ANK1: variants seen among roughly 807,000 people sequenced by gnomAD.
ANK1 encodes the protein ankyrin 1, also known as ankyrin-1.
A neutral mutation model predicts 210.4 loss-of-function variants in ANK1; 51 were observed. The ratio of observed to expected loss-of-function variants is 0.24; its 90% CI spans 0.19 to 0.31. The LOEUF (loss-of-function observed/expected upper bound fraction) is 0.31. Ranked by LOEUF, ANK1 falls within the 10% of genes least tolerant of loss-of-function variation. The pLI is 1.00. For missense variants in ANK1, 2,051 were observed against 2,504.4 expected (o/e 0.82, Z 3.86); for synonymous variants, 967 against 1,025.9 (o/e 0.94, Z 1.10).
Position 41,654,888 on chromosome 8 carries a change from G to C in ANK1, c.*902C>G, listed in dbSNP as rs930237946. 6 of 152,566 alleles carry C rather than the reference G, an allele frequency of 3.9e-5. No individual in the cohort carries two copies. The highest frequency in any genetic ancestry group is 5.9e-5 in the Non-Finnish European group (4 of 68,028). 9.5% of individuals were successfully genotyped at this position (152,566 alleles called of 1,614,324 possible). ...TGAGAGAGGAGACCCTTTCAGATGG[G>C]GTCCTGGCTCCCTTTGAGTCCTACA... On this transcript the variant is annotated 3_prime_UTR_variant, in exon 43 of 43. Coordinates refer to ENST00000289734, the MANE Select transcript of ANK1 (RefSeq NM_000037.4).
intron 1 of ANK1, among the ~76,000 whole-genome samples, chr8:41,867,979 C>A (rs1375974830): frequency 2.0e-5 from 3 of 152,222 alleles, no homozygotes; most frequent in Non-Finnish European, 4.4e-5. Flanking sequence ...CGTGCCTCAG[C>A]CTCCCAAGTA....
intron 1 of ANK1, among the ~76,000 whole-genome samples, chr8:41,775,502 C>G (rs766335490): frequency 6.6e-6 from 1 of 152,246 alleles, no homozygotes; most frequent in Non-Finnish European, 1.5e-5. Flanking sequence ...TCCACACCCT[C>G]TAGCCCATGA....
intron 2 of ANK1, among the ~76,000 whole-genome samples, chr8:41,746,768 C>G (rs769223502): frequency 2.0e-5 from 3 of 151,224 alleles, no homozygotes; most frequent in African/African-American, 2.4e-5. Context: ...AGTGTGAGCT[C>G]GAGTTAATGA....
intron 1 of ANK1, chr8:41,896,328 T>C (rs757536345): frequency 1.3e-6 from 2 of 1,581,998 alleles, no homozygotes; most frequent in East Asian, 2.5e-5. Flanking sequence ...CCGCGGTCGC[T>C]GGGCTTTCAC....
At chr8:41,846,219 A>G (rs1292068448) in intron 1 of ANK1, among the ~76,000 whole-genome samples, 1 of 152,210 alleles carries the variant, frequency 6.6e-6, no homozygotes, top group Non-Finnish European at 1.5e-5. Context: ...AAAGCTTATT[A>G]CAGACTAAGA....
intron 17 of ANK1, among the ~76,000 whole-genome samples, chr8:41,707,653 A>T (rs1013930899): frequency 6.6e-6 from 1 of 152,222 alleles, no homozygotes; most frequent in African/African-American, 2.4e-5. Flanking sequence ...GTGGGTTTCC[A>T]GTCACCTTAC....
At chr8:41,727,175 G>C in intron 5 of ANK1, 75 bp downstream of exon 5, 1 of 1,145,718 alleles carries the variant, frequency 8.7e-7, no homozygotes, top group Non-Finnish European at 1.3e-6. Context: ...CCACATCCCA[G>C]GTAGGTGTCA....
In ANK1 at chr8:41,661,547, A is replaced by G. The variant is rs1236991668; in HGVS notation, c.5562T>C (p.Ser1854=). 4.3e-6 allele frequency: 7 copies of G among 1,613,728 alleles called. No individual in the cohort carries two copies. The African/African-American group carries it at 8.0e-5, about 18-fold the overall frequency. The change falls in exon 42 of 43, where the codon AGT becomes AGC. Residue 1854 remains serine (S), a synonymous_variant. Transcript: ENST00000289734. ...QEHEEVELRG[S]GLQPDLIEGR... is the part of the protein sequence containing the mutation. ...CCTCTATCAGGTCCGGCTGTAGGCC[A>G]CTCCCTCTCAGCTCCACCTGCAGAC...
chr8:41,717,725 C>A (rs376642725), intron 11 of ANK1, 23 bp from the exon 12 acceptor site: 528 of 1,537,024 alleles, frequency 3.4e-4, no homozygotes, highest in Non-Finnish European at 4.4e-4. Context: ...AAGGCAGAGT[C>A]CGATAAGTGG....
intron 1 of ANK1, among the ~76,000 whole-genome samples, chr8:41,885,523 A>G (rs1224454544): frequency 6.6e-6 from 1 of 152,240 alleles, no homozygotes; most frequent in East Asian, 1.9e-4. Flanking sequence ...ATGTCGGCGG[A>G]CAGGCCCTGG....
chr8:41,872,365 C>G (rs541000434), intron 1 of ANK1, among the ~76,000 whole-genome samples: 1 of 152,358 alleles, frequency 6.6e-6, no homozygotes, highest in Non-Finnish European at 1.5e-5. Flanking sequence ...AAGGCGAGGC[C>G]TCTGTGCAGC....
chr8:41,817,831 G>T (rs1803574894), intron 1 of ANK1, among the ~76,000 whole-genome samples: 1 of 152,192 alleles, frequency 6.6e-6, no homozygotes, highest in Non-Finnish European at 1.5e-5. Context: ...AATGCATGAG[G>T]CATCTCCAAA....
intron 1 of ANK1, among the ~76,000 whole-genome samples, chr8:41,816,077 T>C (rs1040268053): frequency 6.6e-6 from 1 of 152,256 alleles, no homozygotes; most frequent in East Asian, 1.9e-4. Context: ...TTTATCGCTC[T>C]TACATCTGTG....
At chr8:41,733,196 G>A (rs1390560079) in intron 3 of ANK1, among the ~76,000 whole-genome samples, 1 of 152,212 alleles carries the variant, frequency 6.6e-6, no homozygotes, top group East Asian at 1.9e-4. Context: ...TACTGAAATG[G>A]AGTGAAATAC....
chr8:41,688,532 T>G lies in ANK1; in HGVS notation c.4162A>C (p.Ile1388Leu), dbSNP rs760298280. 1 of 1,614,190 alleles carries G rather than the reference T, an allele frequency of 6.2e-7. No individual in the cohort carries two copies. The highest frequency in any genetic ancestry group is 8.5e-7 in the Non-Finnish European group (1 of 1,180,014). ...GTACCTGGTGTGGACTCACTGAGAA[T>G]GCTGTATCGCAGGGCCAGGGGCGTC... is the stretch of plus-strand genomic sequence containing the variant. Reference protein sequence around the residue: ...TPTPLALRYSILSESTPGSLS... With the variant: ...TPTPLALRYSLLSESTPGSLS... The change falls in exon 34 of 43, where the codon ATT becomes CTT. Residue 1388 changes from isoleucine to leucine, a missense_variant. By Grantham distance (5) the Ile-to-Leu change is conservative. Around this residue, in one of 6 missense-constraint regions of ANK1, gnomAD observed 1,413 missense variants for 1,707.4 expected, o/e 0.83. Coordinates refer to ENST00000289734, the MANE Select transcript of ANK1 (RefSeq NM_000037.4).
At chr8:41,722,842 A>G (rs554518120) in intron 9 of ANK1, among the ~76,000 whole-genome samples, 4 of 152,318 alleles carry the variant, frequency 2.6e-5, no homozygotes, top group Middle Eastern at 6.8e-3. Flanking sequence ...CTTTTCTGCT[A>G]CGTTGGCAGT....
rs1307746953 is a variant in ANK1 at position 41,724,560 on chromosome 8, G to A, written c.613-6C>T. ...TGCAGGGGCGTGAATCCCGTCTGGGGCACAACAGAGGGGGAGAAACTTGTT... is the reference window on the plus strand; with the variant it reads ...TGCAGGGGCGTGAATCCCGTCTGGGACACAACAGAGGGGGAGAAACTTGTT... On this transcript the variant is annotated splice_region_variant and splice_polypyrimidine_tract_variant and intron_variant, in intron 6 of 42. Coordinates refer to ENST00000289734, the MANE Select transcript of ANK1 (RefSeq NM_000037.4). 6.3e-7 allele frequency: 1 copy of A among 1,581,530 alleles called. No homozygotes were observed.
At chr8:41,785,998 T>TA (rs1846288976) in intron 1 of ANK1, among the ~76,000 whole-genome samples, 1 of 152,208 alleles carries the variant, frequency 6.6e-6, no homozygotes, top group Non-Finnish European at 1.5e-5. Flanking sequence ...GAGTGCCCCT[T>TA]ACAGCCAACT....
chr8:41,683,769 G>A (rs991757385), intron 37 of ANK1, among the ~76,000 whole-genome samples: 5 of 152,206 alleles, frequency 3.3e-5, no homozygotes, highest in African/African-American at 9.7e-5. Context: ...GTGGGGCCTC[G>A]CTGTTTATGT....
Sources: allele counts gnomAD v4.1 joint callset (sites outside exome capture counted in the v4.1 genomes callset), GRCh38; gene constraint gnomAD v4.1.1; regional missense constraint gnomAD v4.1.1; transcripts MANE v1.5; gene names NCBI Gene and HGNC (gene_info 2026-07-23, HGNC 2026-07-21).